ABCG1: variants seen among roughly 807,000 people sequenced by gnomAD.
The protein encoded by ABCG1 is ATP binding cassette subfamily G member 1.
A neutral mutation model predicts 69.2 loss-of-function variants in ABCG1; 29 were observed. That is an observed-to-expected ratio of 0.42 (90% CI 0.31 to 0.57). The LOEUF (loss-of-function observed/expected upper bound fraction) is 0.57, where lower values mean the gene tolerates loss of function less well. Among genes scored for constraint, ABCG1 ranks in the 20% least tolerant of loss-of-function variants. ABCG1 has a pLI of 0.15. For synonymous variants in ABCG1, 370 were observed against 374.8 expected (o/e 0.99, Z 0.15); for missense variants, 718 against 898.1 (o/e 0.80, Z 2.56).
intron 2 of ABCG1, among the ~76,000 whole-genome samples, chr21:42,210,819 G>GTCC (rs953567191): frequency 1.2e-4 from 19 of 152,276 alleles, no homozygotes; most frequent in African/African-American, 4.6e-4. Context: ...TGAAGAAGGG[G>GTCC]TCCTCTCTAT....
In ABCG1 at chr21:42,219,271, T is replaced by C. The variant is rs144415936; in HGVS notation, c.9T>C (p.Cys3=). 1.2e-3 allele frequency: 1,835 copies of C among 1,585,852 alleles called. 19 individuals are homozygous for C. The African/African-American group carries it at 0.019, about 16-fold the overall frequency. The change falls in exon 1 of 15, where the codon TGT becomes TGC. Residue 3 remains cysteine (C), a synonymous_variant. Coordinates refer to ENST00000398449, the MANE Select transcript of ABCG1 (RefSeq NM_016818.3). The surrounding 1 kb of genome is among the most constrained non-coding windows in gnomAD (Gnocchi z 5.3). MA[C]LMAAFSVGTA... Reference sequence around the variant, plus strand: ...GCCGCCGCCCCCGGGGCATGGCCTGTCTGATGGCCGCTTTCTCGGTCGGCA... The same window carrying C: ...GCCGCCGCCCCCGGGGCATGGCCTGCCTGATGGCCGCTTTCTCGGTCGGCA...
At chr21:42,237,972 C>T (rs549852386) in intron 2 of ABCG1, among the ~76,000 whole-genome samples, 1 of 152,272 alleles carries the variant, frequency 6.6e-6, no homozygotes, top group African/African-American at 2.4e-5. Flanking sequence ...AGGGCTGATC[C>T]AAGTGCCAAA....
At position 42,219,944 on chromosome 21, in the gene ABCG1, C is replaced by A. The variant is rs1428903701; in HGVS notation, c.42+640C>A. 16 of 1,551,134 alleles carry A rather than the reference C, an allele frequency of 1.0e-5. No homozygotes were observed. In the East Asian group the frequency reaches 3.7e-4, roughly 36 times the overall value. On this transcript the variant is annotated intron_variant, in intron 1 of 14. Coordinates refer to ENST00000398449, the MANE Select transcript of ABCG1 (RefSeq NM_016818.3). This position sits in a 1 kb window ranked among gnomAD's most constrained non-coding sequence, Gnocchi z 5.3. Reference sequence around the variant, plus strand: ...CTGCCGGCCGCCTTTCTGCGCGCGCCGGAGAGAGAGACGCGGTGGGGACAG... The same window carrying A: ...CTGCCGGCCGCCTTTCTGCGCGCGCAGGAGAGAGAGACGCGGTGGGGACAG...
At position 42,296,450 on chromosome 21, in the gene ABCG1, A is replaced by C. The variant is rs530843734; in HGVS notation, c.*58A>C. ...ACACTGTGGCCGAGGGCACGTCTAG[A>C]ATCGAGGAGGCAAGCCTGTGCCCGA... On this transcript the variant is annotated 3_prime_UTR_variant, in exon 15 of 15. Transcript: ENST00000398449. This position sits in a 1 kb window ranked among gnomAD's most constrained non-coding sequence, Gnocchi z 5.4. The C allele has an allele frequency of 2.0e-6, 3 of 1,489,968 alleles. No homozygotes were observed. In the Admixed American group the frequency reaches 5.3e-5, roughly 26 times the overall value. 92.3% of individuals were successfully genotyped at this position (1,489,968 alleles called of 1,614,324 possible). A position where few individuals can be genotyped will look rare whatever the true frequency, so the allele number is the denominator to read the frequency against.
intron 2 of ABCG1, among the ~76,000 whole-genome samples, chr21:42,265,873 C>T (rs1441085804): frequency 1.3e-5 from 2 of 152,192 alleles, no homozygotes; most frequent in South Asian, 2.1e-4. Flanking sequence ...GCAGCCCCCT[C>T]GCGCACTGCC....
intron 13 of ABCG1, among the ~76,000 whole-genome samples, chr21:42,293,072 C>CACACCACACT (rs1555965163): frequency 8.3e-5 from 6 of 72,696 alleles, no homozygotes; most frequent in African/African-American, 1.9e-4. Context: ...CCACACTACA[C>CACACCACACT]ACACACCACA....
chr21:42,234,470 G>A (rs1416110964), intron 2 of ABCG1, among the ~76,000 whole-genome samples: 1 of 152,196 alleles, frequency 6.6e-6, no homozygotes, highest in Non-Finnish European at 1.5e-5. Flanking sequence ...TTTGGCCTCT[G>A]TCCTTTGTCT....
chr21:42,290,973 C>G, intron 11 of ABCG1, 119 bp from the exon 12 acceptor site: 1 of 698,412 alleles, frequency 1.4e-6, no homozygotes, highest in Non-Finnish European at 2.5e-6. Flanking sequence ...TTCAATCTCT[C>G]AGTGCCCTAG....
At chr21:42,203,425 A>G (rs1276171291) in intron 2 of ABCG1, among the ~76,000 whole-genome samples, 1 of 152,148 alleles carries the variant, frequency 6.6e-6, no homozygotes, top group Non-Finnish European at 1.5e-5. Flanking sequence ...GTTATTTCAC[A>G]TCTATGATGC....
intron 5 of ABCG1, among the ~76,000 whole-genome samples, chr21:42,281,228 T>C (rs915378817): frequency 2.6e-4 from 40 of 151,996 alleles, no homozygotes; most frequent in African/African-American, 9.7e-4. Flanking sequence ...GCCGCTGGAG[T>C]AGGGTCCGCT....
At chr21:42,260,151 T>C in intron 2 of ABCG1, 1 of 1,550,416 alleles carries the variant, frequency 6.4e-7, no homozygotes, top group East Asian at 2.4e-5. Context: ...TGAGGATGAG[T>C]TGTGTTGCTT....
At position 42,294,548 on chromosome 21, in the gene ABCG1, A is replaced by G. The variant is rs1190348724; in HGVS notation, c.1660A>G (p.Thr554Ala). ...TGTGTGCCCCCAACTCCAGGTGGCC[A>G]CTTTCGTGGGCCCAGTGACAGCCAT... ...GAASTSLQVA[T>A]FVGPVTAIPV... The change falls in exon 14 of 15, where the codon ACT becomes GCT. Residue 554 changes from threonine (T) to alanine (A), a missense_variant. Thr to Ala is a moderately conservative substitution (Grantham distance 58). Around this residue, in one of 2 missense-constraint regions of ABCG1, gnomAD observed 204 missense variants for 323.8 expected, o/e 0.63. Coordinates refer to ENST00000398449, the MANE Select transcript of ABCG1 (RefSeq NM_016818.3). The G allele has an allele frequency of 6.2e-7, 1 of 1,613,656 alleles. No individual in the cohort carries two copies. The highest frequency in any genetic ancestry group is 2.2e-5 in the East Asian group (1 of 44,856).
At chr21:42,280,831 G>C (rs1229945586) in intron 5 of ABCG1, among the ~76,000 whole-genome samples, 1 of 152,168 alleles carries the variant, frequency 6.6e-6, no homozygotes, top group African/African-American at 2.4e-5. Flanking sequence ...AGAAGATCTG[G>C]AGGCCTCGTC....
intron 2 of ABCG1, among the ~76,000 whole-genome samples, chr21:42,206,268 T>G (rs2123465192): frequency 6.6e-6 from 1 of 152,210 alleles, no homozygotes; most frequent in South Asian, 2.1e-4. Context: ...GAGAATCACT[T>G]GAGCCCGGGA....
At chr21:42,256,302 G>T in intron 2 of ABCG1, 1 of 1,531,504 alleles carries the variant, frequency 6.5e-7, no homozygotes, top group South Asian at 1.2e-5. Context: ...TCCAACTTTT[G>T]CCCGGAGTCT....
chr21:42,296,626 T>C lies in ABCG1; in HGVS notation c.*234T>C, dbSNP rs553530584. 3.5e-4 allele frequency: 170 copies of C among 479,092 alleles called. No homozygotes were observed. The highest frequency in any genetic ancestry group is 3.0e-3 in the African/African-American group (153 of 50,186). The allele number at this position is 479,092 out of a possible 1,614,324, so 29.7% of individuals were successfully genotyped here. On this transcript the variant is annotated 3_prime_UTR_variant, in exon 15 of 15. Coordinates refer to ENST00000398449, the MANE Select transcript of ABCG1 (RefSeq NM_016818.3). The surrounding 1 kb of genome is among the most constrained non-coding windows in gnomAD (Gnocchi z 5.4). ...AGGAAGATGTAGGCAGATTGGTGGT[T>C]TTTTTTTTTTTAACATACAGAATTT...
chr21:42,285,364 G>A lies in ABCG1; in HGVS notation c.859-516G>A, dbSNP rs942105638. Among the ~76,000 whole-genome samples the A allele has an allele frequency of 9.9e-5, 15 of 152,076 alleles. No individual in the cohort carries two copies. The Middle Eastern group carries it at 0.01, about 103-fold the overall frequency. On this transcript the variant is annotated intron_variant, in intron 7 of 14. Transcript: ENST00000398449. ...GAAAAAAAAATACAAAAATTATCCCGGTGTGGTGGCACACTCCTATAGTCC... is the reference window on the plus strand; with the variant it reads ...GAAAAAAAAATACAAAAATTATCCCAGTGTGGTGGCACACTCCTATAGTCC...
intron 1 of ABCG1, chr21:42,201,442 G>A (rs375783079): frequency 3.5e-5 from 18 of 520,920 alleles, no homozygotes; most frequent in East Asian, 1.1e-4. Flanking sequence ...CTCCTGCTGT[G>A]TGGCCCCATT....
intron 1 of ABCG1, among the ~76,000 whole-genome samples, chr21:42,220,392 G>T (rs554541441): frequency 6.6e-6 from 1 of 151,720 alleles, no homozygotes; most frequent in African/African-American, 2.4e-5. Context: ...GGATTTGACC[G>T]ACAGTTACCT....
Sources: gnomAD v4.1 joint callset for allele counts (sites outside exome capture counted in the v4.1 genomes callset) on GRCh38, gnomAD v4.1.1 for gene constraint, gnomAD v4.1.1 regional missense constraint, Gnocchi (gnomAD v3.1) non-coding constraint, MANE v1.5 for transcripts, NCBI Gene and HGNC (gene_info 2026-07-23, HGNC 2026-07-21) for gene names.